The following ADAD1 variants were observed in gnomAD, a reference collection of about 807,000 sequenced individuals.
ADAD1 encodes adenosine deaminase domain-containing protein 1.
In ADAD1, 46 loss-of-function variants were observed where a neutral mutation model predicts 66.8. The ratio of observed to expected loss-of-function variants is 0.69; its 90% CI spans 0.54 to 0.88. The LOEUF (loss-of-function observed/expected upper bound fraction) is 0.88, where lower values mean the gene tolerates loss of function less well. ADAD1 is among the 40% of genes least tolerant of loss of function. The pLI, the probability that ADAD1 is intolerant of heterozygous loss-of-function variation, is 0.00. For missense variants in ADAD1, 617 were observed against 681.8 expected, an observed-to-expected ratio of 0.91 and a Z score of 1.06; for synonymous variants, 248 against 229.4, an observed-to-expected ratio of 1.08 and a Z score of -0.73.
chr4:122,414,159 G>GTTTTATACTTCCCATTAAAGCA, intron 10 of ADAD1, among the ~76,000 whole-genome samples: 1 of 148,102 alleles, frequency 6.8e-6, no homozygotes, highest in East Asian at 2.0e-4. Context: ...ATTATATTAG[G>GTTTTATACTTCCCATTAAAGCA]TTTTATACTT....
At chr4:122,403,334 G>A (rs1796060713) in intron 7 of ADAD1, among the ~76,000 whole-genome samples, 1 of 152,148 alleles carries the variant, frequency 6.6e-6, no homozygotes, top group South Asian at 2.1e-4. Context: ...AGAGTCCTGT[G>A]ATGTGATCCA....
chr4:122,389,308 C>T (rs1033652297), intron 5 of ADAD1, among the ~76,000 whole-genome samples: 1 of 152,096 alleles, frequency 6.6e-6, no homozygotes, highest in African/African-American at 2.4e-5. Flanking sequence ...TTAAGTGCCA[C>T]GTGGCACTGA....
intron 7 of ADAD1, among the ~76,000 whole-genome samples, chr4:122,399,612 T>G (rs576813196): frequency 1.3e-5 from 2 of 152,054 alleles, no homozygotes; most frequent in Non-Finnish European, 2.9e-5. Context: ...CTACCCATCT[T>G]TGAGCATGGG....
chr4:122,403,832 A>T (rs887118128), intron 7 of ADAD1, among the ~76,000 whole-genome samples: 2 of 152,160 alleles, frequency 1.3e-5, no homozygotes, highest in African/African-American at 4.8e-5. Context: ...GTCTGAGCTC[A>T]GACTCTTCTT....
Position 122,379,072 on chromosome 4 carries a change from T to C in ADAD1, c.-126T>C, listed in dbSNP as rs191683569. On this transcript the variant is annotated 5_prime_UTR_variant, in exon 1 of 13. Transcript: ENST00000296513. Reference sequence around the variant, plus strand: ...CCATGGGCACCTTCTCAGATTGCGATTGTGGATGAAATGAGGGATTTTCTT... The same window carrying C: ...CCATGGGCACCTTCTCAGATTGCGACTGTGGATGAAATGAGGGATTTTCTT... 3 of 152,360 alleles carry C rather than the reference T, an allele frequency of 2.0e-5. No individual in the cohort carries two copies. Among genetic ancestry groups the C allele is most frequent in the African/African-American group, 4.8e-5 (2 of 41,544 alleles). The allele number at this position is 152,360 out of a possible 1,614,324, so 9.4% of individuals were successfully genotyped here.
intron 4 of ADAD1, among the ~76,000 whole-genome samples, chr4:122,383,590 G>A (rs1398243316): frequency 6.6e-6 from 1 of 152,108 alleles, no homozygotes; most frequent in Non-Finnish European, 1.5e-5. Context: ...TCTGGAGCTG[G>A]CCTAAGCTGC....
At chr4:122,418,618 C>G (rs1474727626) in intron 11 of ADAD1, among the ~76,000 whole-genome samples, 1 of 151,928 alleles carries the variant, frequency 6.6e-6, no homozygotes, top group Non-Finnish European at 1.5e-5. Flanking sequence ...CACCAATAAA[C>G]GTTATTTTCA....
At chr4:122,385,544 A>G (rs1180278699) in intron 5 of ADAD1, among the ~76,000 whole-genome samples, 1 of 152,184 alleles carries the variant, frequency 6.6e-6, no homozygotes, top group East Asian at 1.9e-4. Context: ...AAGTGCTGGG[A>G]TTATAGGCAT....
At chr4:122,410,637 G>A (rs1454713897) in intron 8 of ADAD1, among the ~76,000 whole-genome samples, 2 of 152,112 alleles carry the variant, frequency 1.3e-5, no homozygotes, top group African/African-American at 4.8e-5. Flanking sequence ...ATTTCTTTGT[G>A]TTAGGAGCAT....
At chr4:122,411,824 C>G (rs2150581102) in intron 9 of ADAD1, among the ~76,000 whole-genome samples, 1 of 152,242 alleles carries the variant, frequency 6.6e-6, no homozygotes, top group Non-Finnish European at 1.5e-5. Context: ...ACTAAAAGTT[C>G]CATGTACTTC....
At chr4:122,425,692 T>G (rs966905991) in intron 12 of ADAD1, among the ~76,000 whole-genome samples, 3 of 151,898 alleles carry the variant, frequency 2.0e-5, no homozygotes, top group Admixed American at 6.6e-5. Context: ...TATTAGGTAT[T>G]ATAAATAATC....
chr4:122,405,741 C>T (rs1796179054), intron 7 of ADAD1, among the ~76,000 whole-genome samples: 1 of 152,112 alleles, frequency 6.6e-6, no homozygotes, highest in South Asian at 2.1e-4. Context: ...CTCCATTTCC[C>T]CTTCTTTCTA....
Position 122,405,724 on chromosome 4 carries a change from A to G in ADAD1, c.725-2184A>G, listed in dbSNP as rs111674968. ...AACTCCAAGTTTGTACCCTTTGATCAATGTGTCTCCATTTCCCCTTCTTTC... is the reference window on the plus strand; with the variant it reads ...AACTCCAAGTTTGTACCCTTTGATCGATGTGTCTCCATTTCCCCTTCTTTC... On this transcript the variant is annotated intron_variant, in intron 7 of 12. Transcript: ENST00000296513. 4.3e-3 allele frequency among the ~76,000 whole-genome samples: 653 copies of G among 152,228 alleles called. 4 individuals carry two copies. Among genetic ancestry groups the G allele is most frequent in the African/African-American group, 0.015 (619 of 41,526 alleles).
chr4:122,428,396 T>A (rs1797352623), intron 12 of ADAD1, among the ~76,000 whole-genome samples: 1 of 152,170 alleles, frequency 6.6e-6, no homozygotes, highest in Non-Finnish European at 1.5e-5. Flanking sequence ...AGTTTGGCAT[T>A]TTCTTAAGAT....
intron 10 of ADAD1, among the ~76,000 whole-genome samples, chr4:122,414,203 T>G (rs1285441122): frequency 6.8e-6 from 1 of 148,046 alleles, no homozygotes; most frequent in African/African-American, 2.4e-5. Flanking sequence ...AATTTGATGT[T>G]TAAAGCATTT....
At position 122,421,315 on chromosome 4, in the gene ADAD1, G is replaced by A; in HGVS notation, c.1542G>A (p.Met514Ile). 4.4e-6 allele frequency: 7 copies of A among 1,606,934 alleles called. No individual in the cohort carries two copies. In the South Asian group the frequency reaches 6.6e-5, roughly 15 times the overall value. The stretch of plus-strand genomic sequence containing the variant: ...CAAGTCGGCTTTGTAAGGCTGCAAT[G>A]TTAAGTCGGTTTAACCTGCTTGCCA... Reference protein sequence around the residue: ...SMASRLCKAAMLSRFNLLAKE... With the variant: ...SMASRLCKAAILSRFNLLAKE... Residue 514 changes from methionine (M) to isoleucine (I), a missense_variant, in exon 12 of 13, where the codon ATG becomes ATA. Physicochemically the swap from Met to Ile is conservative, Grantham distance 10. Coordinates refer to ENST00000296513, the MANE Select transcript of ADAD1 (RefSeq NM_139243.4).
At chr4:122,389,493 T>G (rs185321689) in intron 5 of ADAD1, among the ~76,000 whole-genome samples, 3 of 152,338 alleles carry the variant, frequency 2.0e-5, no homozygotes, top group Admixed American at 2.0e-4. Flanking sequence ...GGACTTTAAG[T>G]CTCTTTGTAG....
intron 8 of ADAD1, 44 bp from the exon 9 acceptor site, chr4:122,411,178 T>C (rs368081439): frequency 9.0e-6 from 13 of 1,443,854 alleles, no homozygotes; most frequent in Non-Finnish European, 1.2e-5. Flanking sequence ...AGATATATCT[T>C]TTATAAAGTT....
rs183834842 is a variant in ADAD1, at chr4:122,406,962, T to G, written c.725-946T>G. ...TTGGTTTAATCTTTTTTCTGTTTCTTCTGCTGTAAGCCTCATGAAGGTATG... is the reference window on the plus strand; with the variant it reads ...TTGGTTTAATCTTTTTTCTGTTTCTGCTGCTGTAAGCCTCATGAAGGTATG... On this transcript the variant is annotated intron_variant, in intron 7 of 12. Transcript: ENST00000296513. 2.0e-5 allele frequency among the ~76,000 whole-genome samples: 3 copies of G among 152,270 alleles called. No individual in the cohort carries two copies. In the East Asian group the frequency reaches 5.8e-4, roughly 29 times the overall value.
Sources: allele counts gnomAD v4.1 joint callset (sites outside exome capture counted in the v4.1 genomes callset), GRCh38; gene constraint gnomAD v4.1.1; transcripts MANE v1.5; gene names NCBI Gene and HGNC (gene_info 2026-07-23, HGNC 2026-07-21).